Variants in EPC1 observed in about 807,000 individuals in gnomAD.
The protein encoded by EPC1 is enhancer of polycomb 1.
EPC1 carries 12 observed loss-of-function variants against 98.4 expected under a neutral mutation model. The ratio of observed to expected loss-of-function variants is 0.12; its 90% CI spans 0.08 to 0.20. The LOEUF (loss-of-function observed/expected upper bound fraction) is 0.20, where lower values mean the gene tolerates loss of function less well. Ranked by LOEUF, EPC1 falls within the 10% of genes least tolerant of loss-of-function variation. The pLI is 1.00. For missense variants in EPC1, 729 were observed against 990.5 expected (o/e 0.74, Z 3.54); for synonymous variants, 357 against 363.9 (o/e 0.98, Z 0.21).
chr10:32,286,612 G>C, intron 9 of EPC1, 82 bp downstream of exon 9: 1 of 1,504,728 alleles, frequency 6.6e-7, no homozygotes, highest in South Asian at 1.2e-5. Context: ...GTTGTTCAGA[G>C]GGATTACCTG....
At chr10:32,297,942 C>T (rs543311834) in intron 2 of EPC1, among the ~76,000 whole-genome samples, 12 of 152,110 alleles carry the variant, frequency 7.9e-5, no homozygotes, top group African/African-American at 2.2e-4. Context: ...GGACTACAGG[C>T]GCCCGCCACC....
chr10:32,320,235 T>A (rs973519813), intron 1 of EPC1, among the ~76,000 whole-genome samples: 27 of 152,180 alleles, frequency 1.8e-4, no homozygotes, highest in African/African-American at 3.4e-4. Context: ...GACTTTTTTT[T>A]TAAAAAGTAC....
At chr10:32,337,249 G>A (rs1838032017) in intron 1 of EPC1, among the ~76,000 whole-genome samples, 1 of 152,186 alleles carries the variant, frequency 6.6e-6, no homozygotes, top group Non-Finnish European at 1.5e-5. Flanking sequence ...ACCCTTCTGA[G>A]GGTTCTACTT....
chr10:32,378,724 A>G (rs1480177323), exon 1 of EPC1: 2 of 451,222 alleles, frequency 4.4e-6, no homozygotes, highest in Non-Finnish European at 8.1e-6. Context: ...TCCACAGAAG[A>G]TTAAAAGCAG....
intron 6 of EPC1, among the ~76,000 whole-genome samples, chr10:32,289,214 A>G (rs1447801152): frequency 6.6e-6 from 1 of 152,234 alleles, no homozygotes; most frequent in African/African-American, 2.4e-5. Flanking sequence ...TTACATGAGT[A>G]AACTAAAACA....
intron 10 of EPC1, among the ~76,000 whole-genome samples, chr10:32,277,203 T>A (rs1410229): frequency 0.11 from 16,852 of 152,164 alleles, 981 homozygotes; most frequent in Admixed American, 0.13. Context: ...ATAGAGCACC[T>A]GACAAACAAG....
intron 10 of EPC1, among the ~76,000 whole-genome samples, chr10:32,276,573 C>T (rs1247821699): frequency 6.6e-6 from 1 of 152,118 alleles, no homozygotes; most frequent in East Asian, 1.9e-4. Flanking sequence ...CATTAAGGTC[C>T]TCTTCAGCTA....
chr10:32,369,994 T>A (rs948480845), intron 1 of EPC1, among the ~76,000 whole-genome samples: 1 of 152,326 alleles, frequency 6.6e-6, no homozygotes, highest in African/African-American at 2.4e-5. Context: ...GATTTATGAA[T>A]ATGATAAGAT....
chr10:32,320,190 TG>T (rs1305286512), intron 1 of EPC1, among the ~76,000 whole-genome samples: 12 of 143,722 alleles, frequency 8.3e-5, no homozygotes, highest in Admixed American at 2.1e-4. Flanking sequence ...AAATAATGGT[TG>T]TTTTTTTTTT....
intron 1 of EPC1, among the ~76,000 whole-genome samples, chr10:32,331,694 C>T (rs1357263108): frequency 2.0e-5 from 3 of 152,136 alleles, no homozygotes; most frequent in African/African-American, 7.2e-5. Flanking sequence ...TTTTATTTAC[C>T]ATGTGAATTA....
chr10:32,360,297 C>A (rs1373339573), intron 1 of EPC1, among the ~76,000 whole-genome samples: 1 of 152,176 alleles, frequency 6.6e-6, no homozygotes, highest in African/African-American at 2.4e-5. Context: ...AGCCCTGTTG[C>A]CTCTTTTCCT....
chr10:32,292,953 T>C (rs1834935362), intron 4 of EPC1, 35 bp downstream of exon 4: 2 of 1,340,752 alleles, frequency 1.5e-6, no homozygotes, highest in Non-Finnish European at 2.0e-6. Flanking sequence ...ATTTTTATTA[T>C]ATAATTATCA....
intron 1 of EPC1, chr10:32,345,085 TA>T: frequency 2.2e-6 from 2 of 923,690 alleles, no homozygotes; most frequent in Non-Finnish European, 2.6e-6. Flanking sequence ...AACTTAGAAA[TA>T]AAAATAAAAC....
intron 2 of EPC1, among the ~76,000 whole-genome samples, chr10:32,302,845 AC>A (rs1326768515): frequency 2.0e-5 from 3 of 152,084 alleles, no homozygotes; most frequent in African/African-American, 7.2e-5. Context: ...AAATAGTGCA[AC>A]CCCCAGTGCT....
Position 32,286,705 on chromosome 10 carries a change from C to A in EPC1, c.1380G>T (p.Gly460=), listed in dbSNP as rs979993538. The A allele has an allele frequency of 6.2e-7, 1 of 1,613,998 alleles. No homozygotes were observed. Among genetic ancestry groups the A allele is most frequent in the Non-Finnish European group, 8.5e-7 (1 of 1,180,034 alleles). The change falls in exon 9 of 14, where the codon GGG becomes GGT. Residue 460 remains glycine, a synonymous_variant. Coordinates refer to ENST00000319778, the MANE Select transcript of EPC1 (RefSeq NM_001272004.3). ...CAGAAATACCTTACCTTCCACCGCG[C>A]CCAACCCGTCTTCGTGCAAATCCAA... ...RCIGFARRRV[G]RGGRVLLDRA... is the part of the protein sequence containing the mutation.
intron 1 of EPC1, among the ~76,000 whole-genome samples, chr10:32,341,359 T>C (rs1838342197): frequency 1.3e-5 from 2 of 151,494 alleles, no homozygotes; most frequent in African/African-American, 4.9e-5. Context: ...TCTATGTTTC[T>C]ACCATTACTA....
At chr10:32,289,496 G>C (rs1592553001) in intron 6 of EPC1, among the ~76,000 whole-genome samples, 1 of 151,730 alleles carries the variant, frequency 6.6e-6, no homozygotes, top group East Asian at 1.9e-4. Flanking sequence ...CAGGCTTGAA[G>C]GTCTGTTTAC....
intron 1 of EPC1, among the ~76,000 whole-genome samples, chr10:32,322,175 C>T (rs1836966211): frequency 6.6e-6 from 1 of 151,174 alleles, no homozygotes; most frequent in Admixed American, 6.6e-5. Context: ...ATTAGCCTTA[C>T]ATGTATCGCA....
At chr10:32,332,097 T>C (rs1837673067) in intron 1 of EPC1, among the ~76,000 whole-genome samples, 1 of 152,350 alleles carries the variant, frequency 6.6e-6, no homozygotes, top group East Asian at 1.9e-4. Flanking sequence ...TAGTGCAATA[T>C]TACGCCTTTA....
Sources: allele counts gnomAD v4.1 joint callset (sites outside exome capture counted in the v4.1 genomes callset), GRCh38; gene constraint gnomAD v4.1.1; transcripts MANE v1.5; gene names NCBI Gene and HGNC (gene_info 2026-07-23, HGNC 2026-07-21).